PTPRR: variants seen among roughly 807,000 people sequenced by gnomAD.
The protein encoded by PTPRR is protein tyrosine phosphatase receptor type R.
In PTPRR, 38 loss-of-function variants were observed where a neutral mutation model predicts 77.2. The ratio of observed to expected loss-of-function variants is 0.49; its 90% CI spans 0.38 to 0.65. The LOEUF is 0.65. Among genes scored for constraint, PTPRR ranks in the 30% least tolerant of loss-of-function variants. The probability of loss-of-function intolerance (pLI) is 0.00; values close to 1 mark genes in which losing one functional copy is unlikely to be tolerated. For synonymous variants in PTPRR, 299 were observed against 283.1 expected, an observed-to-expected ratio of 1.06 and a Z score of -0.57; for missense variants, 744 against 799.2, an observed-to-expected ratio of 0.93 and a Z score of 0.83.
At chr12:70,738,475 C>T (rs1592720396) in intron 6 of PTPRR, among the ~76,000 whole-genome samples, 1 of 152,212 alleles carries the variant, frequency 6.6e-6, no homozygotes, top group East Asian at 1.9e-4. Context: ...TCTACCTCTC[C>T]TTGCACAGTG....
intron 2 of PTPRR, among the ~76,000 whole-genome samples, chr12:70,776,854 A>G (rs1336048473): frequency 6.6e-6 from 1 of 152,008 alleles, no homozygotes; most frequent in African/African-American, 2.4e-5. Flanking sequence ...GGACTTTAGG[A>G]TTTTTTGTTT....
chr12:70,892,978 C>G lies in PTPRR; in HGVS notation c.59-1G>C. 1 of 1,611,422 alleles carries G rather than the reference C, an allele frequency of 6.2e-7. No homozygotes were observed. Among genetic ancestry groups the G allele is most frequent in the Non-Finnish European group, 8.5e-7 (1 of 1,178,482 alleles). On this transcript the variant is annotated splice_acceptor_variant, in intron 1 of 13. Transcript: ENST00000283228. LOFTEE classifies it high-confidence loss of function. Reference sequence around the variant, plus strand: ...TGATCATTGTTTCCTGAAAAGCACCCTGAAAGAGGGAAGAAGCAGAAACAA... The same window carrying G: ...TGATCATTGTTTCCTGAAAAGCACCGTGAAAGAGGGAAGAAGCAGAAACAA...
intron 2 of PTPRR, among the ~76,000 whole-genome samples, chr12:70,778,404 C>T (rs571920856): frequency 3.9e-5 from 6 of 152,102 alleles, no homozygotes; most frequent in Non-Finnish European, 5.9e-5. Flanking sequence ...TGTGGTATGC[C>T]GTTATAGTCT....
rs1316259264 is a variant in PTPRR at position 70,701,314 on chromosome 12, G to C, written c.1017C>G (p.Ser339=). Reference sequence around the variant, plus strand: ...TCATGTCCAATGTAAGAGATACGTTGGACCCTCTTCTACATTGGAGAAGAA... The same window carrying C: ...TCATGTCCAATGTAAGAGATACGTTCGACCCTCTTCTACATTGGAGAAGAA... ...KPIGLQERRG[S]NVSLTLDMSS... Residue 339 remains serine (S), a synonymous_variant, in exon 7 of 14, where the codon TCC becomes TCG. Coordinates refer to ENST00000283228, the MANE Select transcript of PTPRR (RefSeq NM_002849.4). 2 of 1,613,586 alleles carry C rather than the reference G, an allele frequency of 1.2e-6. No homozygotes were observed.
intron 6 of PTPRR, among the ~76,000 whole-genome samples, chr12:70,735,992 G>A (rs1889849345): frequency 6.6e-6 from 1 of 152,112 alleles, no homozygotes; most frequent in Non-Finnish European, 1.5e-5. Flanking sequence ...CAATGAAGTG[G>A]GCGAGTTATT....
intron 6 of PTPRR, 113 bp downstream of exon 6, chr12:70,745,705 G>T: frequency 8.2e-7 from 1 of 1,221,668 alleles, no homozygotes; most frequent in Non-Finnish European, 1.1e-6. Flanking sequence ...TGTCCATTTA[G>T]TGGTGAACAA....
intron 2 of PTPRR, among the ~76,000 whole-genome samples, chr12:70,819,253 T>TA (rs1891963193): frequency 6.6e-6 from 1 of 152,106 alleles, no homozygotes; most frequent in African/African-American, 2.4e-5. Context: ...TGCACTGAGC[T>TA]GAGATTGCAC....
chr12:70,641,762 G>T (rs1468093473), intron 13 of PTPRR, among the ~76,000 whole-genome samples: 1 of 152,126 alleles, frequency 6.6e-6, no homozygotes, highest in African/African-American at 2.4e-5. Flanking sequence ...CTTTTCCAAG[G>T]TTGGCAGGAA....
chr12:70,831,379 TC>T (rs1892209289), intron 2 of PTPRR, among the ~76,000 whole-genome samples: 1 of 152,192 alleles, frequency 6.6e-6, no homozygotes, highest in African/African-American at 2.4e-5. Context: ...GTCATAATCA[TC>T]AATCAATAGC....
intron 2 of PTPRR, among the ~76,000 whole-genome samples, chr12:70,868,390 A>G (rs1892897887): frequency 6.6e-6 from 1 of 151,642 alleles, no homozygotes; most frequent in Non-Finnish European, 1.5e-5. Flanking sequence ...ATGAACAGAC[A>G]CTTCTGAAAA....
At chr12:70,687,926 C>T (rs370670873) in intron 8 of PTPRR, among the ~76,000 whole-genome samples, 1 of 152,102 alleles carries the variant, frequency 6.6e-6, no homozygotes, top group South Asian at 2.1e-4. Context: ...TCAGAGCTTT[C>T]AAAATGTAGA....
chr12:70,901,332 A>T (rs878982998), intron 1 of PTPRR, among the ~76,000 whole-genome samples: 2 of 151,600 alleles, frequency 1.3e-5, no homozygotes, highest in Admixed American at 6.6e-5. Flanking sequence ...TATTCACAAT[A>T]GCCAAGATAC....
intron 1 of PTPRR, among the ~76,000 whole-genome samples, chr12:70,894,042 T>C (rs2137118607): frequency 6.6e-6 from 1 of 151,836 alleles, no homozygotes; most frequent in Non-Finnish European, 1.5e-5. Flanking sequence ...TATTACTAGG[T>C]CAAATACCAG....
intron 5 of PTPRR, among the ~76,000 whole-genome samples, chr12:70,746,996 G>C (rs1890234205): frequency 6.6e-6 from 1 of 152,132 alleles, no homozygotes; most frequent in Non-Finnish European, 1.5e-5. Context: ...ATATTCACAT[G>C]ATAAATATTT....
At chr12:70,653,704 C>T in intron 13 of PTPRR, among the ~76,000 whole-genome samples, 1 of 152,134 alleles carries the variant, frequency 6.6e-6, no homozygotes, top group Admixed American at 6.5e-5. Context: ...TTCATCCTTA[C>T]AATAATAATA....
At chr12:70,764,811 A>G (rs1235950017) in intron 2 of PTPRR, 33 bp from the exon 3 acceptor site, 4 of 1,481,068 alleles carry the variant, frequency 2.7e-6, no homozygotes, top group Admixed American at 1.7e-5. Context: ...AATCCAAATT[A>G]TAGTATTAAT....
chr12:70,885,202 G>T (rs1893217974), intron 2 of PTPRR, among the ~76,000 whole-genome samples: 3 of 151,854 alleles, frequency 2.0e-5, no homozygotes, highest in African/African-American at 7.3e-5. Flanking sequence ...TTGGGCAGTT[G>T]CTTAGAAAAT....
At chr12:70,872,948 T>C (rs371388352) in intron 2 of PTPRR, among the ~76,000 whole-genome samples, 3 of 152,172 alleles carry the variant, frequency 2.0e-5, no homozygotes, top group African/African-American at 7.2e-5. Flanking sequence ...AATATAAATA[T>C]TTCAAAGTGT....
chr12:70,670,407 C>A (rs1478116430), intron 10 of PTPRR, among the ~76,000 whole-genome samples: 1 of 152,232 alleles, frequency 6.6e-6, no homozygotes, highest in African/African-American at 2.4e-5. Context: ...CATCAACTCA[C>A]TAACTTTGAG....
Sources: allele counts gnomAD v4.1 joint callset (sites outside exome capture counted in the v4.1 genomes callset), GRCh38; gene constraint gnomAD v4.1.1; transcripts MANE v1.5; gene names NCBI Gene and HGNC (gene_info 2026-07-23, HGNC 2026-07-21).